ABLIM2: variants seen among roughly 807,000 people sequenced by gnomAD.
ABLIM2 encodes actin binding LIM protein family member 2.
A neutral mutation model predicts 97.7 loss-of-function variants in ABLIM2; 53 were observed. The ratio of observed to expected loss-of-function variants is 0.54; its 90% confidence interval spans 0.44 to 0.68. ABLIM2 has a LOEUF of 0.68. Ranked by LOEUF, ABLIM2 falls within the 30% of genes least tolerant of loss-of-function variation. ABLIM2 has a pLI of 0.00. For missense variants in ABLIM2, 835 were observed against 867.2 expected, an observed-to-expected ratio of 0.96 and a Z score of 0.47; for synonymous variants, 361 against 345.8, an observed-to-expected ratio of 1.04 and a Z score of -0.49.
rs1401691191 is a variant in ABLIM2, at chr4:8,003,257, A to C, written c.1618+4802T>G. On this transcript the variant is annotated intron_variant, in intron 16 of 20. Transcript: ENST00000447017. The surrounding 1 kb of genome is among the most constrained non-coding windows in gnomAD (Gnocchi z 4.2). ...TGGCTTAGCCCAGCCTGCCTTAAAC[A>C]TGCTCAGAAACCTGCATTAGCCTTC... Among the ~76,000 whole-genome samples the C allele has an allele frequency of 6.6e-6, 1 of 152,220 alleles. No homozygotes were observed. The highest frequency in any genetic ancestry group is 1.5e-5 in the Non-Finnish European group (1 of 68,040).
Position 8,015,006 on chromosome 4 carries a change from C to T in ABLIM2, c.1423+4612G>A, listed in dbSNP as rs564812149. ...CACTAACTCGGCTCACTGCAACCTCCGCCTCCCAGGTTCAAGCAATTCTCG... is the reference window on the plus strand; with the variant it reads ...CACTAACTCGGCTCACTGCAACCTCTGCCTCCCAGGTTCAAGCAATTCTCG... On this transcript the variant is annotated intron_variant, in intron 14 of 20. Coordinates refer to ENST00000447017, the MANE Select transcript of ABLIM2 (RefSeq NM_001130083.2). The surrounding 1 kb of genome is among the most constrained non-coding windows in gnomAD (Gnocchi z 4.6). 1.3e-5 allele frequency among the ~76,000 whole-genome samples: 2 copies of T among 152,004 alleles called. No individual in the cohort carries two copies. The highest frequency in any genetic ancestry group is 2.4e-5 in the African/African-American group (1 of 41,472).
At position 8,085,598 on chromosome 4, in the gene ABLIM2, G is replaced by A. The variant is rs1358029681; in HGVS notation, c.454+2571C>T. Among the ~76,000 whole-genome samples the A allele has an allele frequency of 2.1e-5, 3 of 144,130 alleles. No homozygotes were observed. Among genetic ancestry groups the A allele is most frequent in the African/African-American group, 5.3e-5 (2 of 37,786 alleles). 94.6% of individuals were successfully genotyped at this position (144,130 alleles called of 152,430 possible). A position where few individuals can be genotyped will look rare whatever the true frequency, so the allele number is the denominator to read the frequency against. ...ACGCTGCAGCCCCGTCCACTCACGC[G>A]GGTCTGGGGGGTGCCCACGCTGCAG... is the stretch of plus-strand genomic sequence containing the variant. On this transcript the variant is annotated intron_variant, in intron 4 of 20. Coordinates refer to ENST00000447017, the MANE Select transcript of ABLIM2 (RefSeq NM_001130083.2). This position sits in a 1 kb window ranked among gnomAD's most constrained non-coding sequence, Gnocchi z 6.1.
At chr4:8,027,719 A>G (rs1300636918) in intron 12 of ABLIM2, 40 bp downstream of exon 12, 2 of 1,448,464 alleles carry the variant, frequency 1.4e-6, no homozygotes, top group Non-Finnish European at 1.8e-6. Flanking sequence ...GGGCGTGGAC[A>G]CCCATGAGCA....
Position 7,998,935 on chromosome 4 carries a change from G to T in ABLIM2, c.1619-6008C>A, listed in dbSNP as rs1755272105. Among the ~76,000 whole-genome samples, 1 of 152,204 alleles carries T rather than the reference G, an allele frequency of 6.6e-6. No individual in the cohort carries two copies. The highest frequency in any genetic ancestry group is 1.5e-5 in the Non-Finnish European group (1 of 68,046). ...GCAGAGAAGAGCAGAGAGAGACGAG[G>T]CGACACTATCTCACCCCCTGGACTG... On this transcript the variant is annotated intron_variant, in intron 16 of 20. Transcript: ENST00000447017. The surrounding 1 kb of genome is among the most constrained non-coding windows in gnomAD (Gnocchi z 6.4).
intron 6 of ABLIM2, among the ~76,000 whole-genome samples, chr4:8,066,902 T>A (rs1808253753): frequency 6.6e-6 from 1 of 152,176 alleles, no homozygotes; most frequent in Admixed American, 6.5e-5. Context: ...GTTACGTGAA[T>A]GTCACCTCAA....
chr4:8,106,709 G>A (rs976170452), intron 1 of ABLIM2, 72 bp from the exon 2 acceptor site: 13 of 1,514,636 alleles, frequency 8.6e-6, no homozygotes, highest in East Asian at 2.3e-5. Flanking sequence ...AAGCAGGCGT[G>A]TGAGGACGCA....
rs1208480320 is a variant in ABLIM2 at position 8,147,408 on chromosome 4, A to C, written c.10+11272T>G. On this transcript the variant is annotated intron_variant, in intron 1 of 20. Transcript: ENST00000447017. The surrounding 1 kb of genome is among the most constrained non-coding windows in gnomAD (Gnocchi z 5.3). ...CCTCCCCCAGAAGATATCCCCATCT[A>C]ATCGCTAAAACCTGTGACATATATG... is the stretch of plus-strand genomic sequence containing the variant. Among the ~76,000 whole-genome samples the C allele has an allele frequency of 6.6e-6, 1 of 152,198 alleles. No homozygotes were observed. Among genetic ancestry groups the C allele is most frequent in the South Asian group, 2.1e-4 (1 of 4,824 alleles).
chr4:7,999,643 T>C lies in ABLIM2; in HGVS notation c.1619-6716A>G, dbSNP rs1755720897. ...CATGTCAGATGGAAGCAGACAGCCT[T>C]CAAGAGGCGGGGTGTGTGTAGTACA... is the stretch of plus-strand genomic sequence containing the variant. On this transcript the variant is annotated intron_variant, in intron 16 of 20. Transcript: ENST00000447017. This position sits in a 1 kb window ranked among gnomAD's most constrained non-coding sequence, Gnocchi z 4.4. Among the ~76,000 whole-genome samples the C allele has an allele frequency of 6.6e-6, 1 of 152,092 alleles. No individual in the cohort carries two copies. The highest frequency in any genetic ancestry group is 1.5e-5 in the Non-Finnish European group (1 of 68,008).
chr4:7,987,179 G>T (rs114088510), intron 17 of ABLIM2, among the ~76,000 whole-genome samples: 1 of 151,668 alleles, frequency 6.6e-6, no homozygotes, highest in South Asian at 2.1e-4. Flanking sequence ...AGTCTCCCTT[G>T]GTTGCCCTGG....
At position 8,052,639 on chromosome 4, in the gene ABLIM2, C is replaced by T. The variant is rs1425919845; in HGVS notation, c.822+1549G>A. Among the ~76,000 whole-genome samples the T allele has an allele frequency of 5.3e-5, 8 of 152,352 alleles. No homozygotes were observed. The East Asian group carries it at 5.8e-4, about 11-fold the overall frequency. ...GGAAGCCAGGGCCCCTGCCTGCCCC[C>T]GTGCAGGCCTCCAGCCCTGCCTGCT... On this transcript the variant is annotated intron_variant, in intron 8 of 20. Coordinates refer to ENST00000447017, the MANE Select transcript of ABLIM2 (RefSeq NM_001130083.2).
In ABLIM2 at chr4:7,970,612, G is replaced by A. The variant is rs1177346451; in HGVS notation, c.1825-3509C>T. 4.0e-5 allele frequency among the ~76,000 whole-genome samples: 6 copies of A among 151,854 alleles called. No homozygotes were observed. The highest frequency in any genetic ancestry group is 1.9e-4 in the East Asian group (1 of 5,158). On this transcript the variant is annotated intron_variant, in intron 20 of 20. Transcript: ENST00000447017. This position sits in a 1 kb window ranked among gnomAD's most constrained non-coding sequence, Gnocchi z 5.3. ...GATTCGAGGAAGACTTGGAGCTGGC[G>A]GGCAAGCAGGAAGGCTGGCAGGGTG...
intron 2 of ABLIM2, among the ~76,000 whole-genome samples, chr4:8,104,351 C>A (rs57553754): frequency 0.082 from 12,446 of 152,226 alleles, 1,543 homozygotes; most frequent in African/African-American, 0.27. Context: ...TGGGGGTGTC[C>A]CTGGGTCCCC....
intron 6 of ABLIM2, among the ~76,000 whole-genome samples, chr4:8,073,715 A>G (rs184289516): frequency 6.6e-6 from 1 of 152,382 alleles, no homozygotes; most frequent in Non-Finnish European, 1.5e-5. Flanking sequence ...CCACCCGCAC[A>G]GAAGGCACAA....
chr4:8,051,469 A>T (rs1796004119), intron 8 of ABLIM2, among the ~76,000 whole-genome samples: 1 of 151,186 alleles, frequency 6.6e-6, no homozygotes, highest in Non-Finnish European at 1.5e-5. Context: ...CGGCTGAAGA[A>T]TAGCTTGAAT....
intron 2 of ABLIM2, among the ~76,000 whole-genome samples, chr4:8,104,827 T>C (rs1322112253): frequency 2.0e-5 from 3 of 152,104 alleles, no homozygotes; most frequent in African/African-American, 7.2e-5. Flanking sequence ...GACCATTGGT[T>C]TTCAAGCTTC....
At chr4:7,981,397 C>T (rs1342675936) in intron 20 of ABLIM2, among the ~76,000 whole-genome samples, 1 of 152,204 alleles carries the variant, frequency 6.6e-6, no homozygotes, top group Non-Finnish European at 1.5e-5. Flanking sequence ...CCAGACCGAA[C>T]CAATGTGTAC....
At chr4:7,985,121 T>C (rs1446739062) in intron 17 of ABLIM2, among the ~76,000 whole-genome samples, 4 of 152,180 alleles carry the variant, frequency 2.6e-5, no homozygotes, top group Admixed American at 2.0e-4. Flanking sequence ...TTCTTGCTCA[T>C]AGGATGCCCA....
At chr4:8,048,294 T>C (rs1793847707) in intron 8 of ABLIM2, among the ~76,000 whole-genome samples, 1 of 152,120 alleles carries the variant, frequency 6.6e-6, no homozygotes, top group Non-Finnish European at 1.5e-5. Context: ...TCAATATCCA[T>C]ATGTTCTCCC....
Position 7,986,100 on chromosome 4 carries a change from T to G in ABLIM2, c.1681-1207A>C, listed in dbSNP as rs1054700805. ...TCGTTCCCCAGCACCTGGAACGGGGTCTCAAACGGGGTCAGGGCTCTCGGC... is the reference window on the plus strand; with the variant it reads ...TCGTTCCCCAGCACCTGGAACGGGGGCTCAAACGGGGTCAGGGCTCTCGGC... On this transcript the variant is annotated intron_variant, in intron 17 of 20. Coordinates refer to ENST00000447017, the MANE Select transcript of ABLIM2 (RefSeq NM_001130083.2). The surrounding 1 kb of genome is among the most constrained non-coding windows in gnomAD (Gnocchi z 4.3). 1.3e-5 allele frequency among the ~76,000 whole-genome samples: 2 copies of G among 151,938 alleles called. No individual in the cohort carries two copies. The highest frequency in any genetic ancestry group is 2.4e-5 in the African/African-American group (1 of 41,336).
Sources: allele counts gnomAD v4.1 joint callset (sites outside exome capture counted in the v4.1 genomes callset), GRCh38; gene constraint gnomAD v4.1.1; non-coding constraint Gnocchi (gnomAD v3.1); transcripts MANE v1.5; gene names NCBI Gene and HGNC (gene_info 2026-07-23, HGNC 2026-07-21).